NDEL1: variants seen among roughly 807,000 people sequenced by gnomAD.
NDEL1 encodes the protein nudE neurodevelopment protein 1 like 1.
Under a neutral mutation model 45.7 loss-of-function variants are expected in NDEL1, and 9 were observed. That is an observed-to-expected ratio of 0.20 (90% CI 0.12 to 0.34). The LOEUF (loss-of-function observed/expected upper bound fraction) is 0.34. Ranked by LOEUF, NDEL1 falls within the 10% of genes least tolerant of loss-of-function variation. The probability of loss-of-function intolerance (pLI) is 1.00; values close to 1 mark genes in which losing one functional copy is unlikely to be tolerated. For missense variants in NDEL1, 306 were observed against 406.2 expected, an observed-to-expected ratio of 0.75 and a Z score of 2.12; for synonymous variants, 133 against 158.6, an observed-to-expected ratio of 0.84 and a Z score of 1.21.
At chr17:8,466,887 C>T (rs149185085) in intron 8 of NDEL1, 43 bp from the exon 9 acceptor site, 18,311 of 1,555,984 alleles carry the variant, frequency 0.012, 141 homozygotes, top group Non-Finnish European at 0.014. Flanking sequence ...ATGAGTTTTT[C>T]GTTTCCCCTT....
intron 1 of NDEL1, among the ~76,000 whole-genome samples, chr17:8,421,544 T>C (rs1239529960): frequency 6.6e-6 from 1 of 152,158 alleles, no homozygotes; most frequent in Non-Finnish European, 1.5e-5. Context: ...CTCTCCGAGC[T>C]TTCAGGAGGA....
chr17:8,439,183 G>A (rs1262635292), intron 1 of NDEL1, among the ~76,000 whole-genome samples: 19 of 150,240 alleles, frequency 1.3e-4, no homozygotes, highest in Admixed American at 6.6e-4. Context: ...CTCGTGATCC[G>A]CCCGCCTCGG....
chr17:8,468,157 A>G lies in NDEL1; in HGVS notation c.*1134A>G, dbSNP rs1283918668. On this transcript the variant is annotated 3_prime_UTR_variant, in exon 9 of 9. Coordinates refer to ENST00000334527, the MANE Select transcript of NDEL1 (RefSeq NM_030808.5). ...GTGGAAACAATAAATTTCACAGAAA[A>G]AAAGGATTGACGTTGCTTTATTCAG... The G allele has an allele frequency of 6.6e-6, 1 of 152,400 alleles. No individual in the cohort carries two copies. The highest frequency in any genetic ancestry group is 1.5e-5 in the Non-Finnish European group (1 of 68,048). 9.4% of individuals were successfully genotyped at this position (152,400 alleles called of 1,614,324 possible).
rs867483508 is a variant in NDEL1 at position 8,467,081 on chromosome 17, C to T, written c.*58C>T. Reference sequence around the variant, plus strand: ...CCTCCAACAACCCAGGACACCCACGCCTCACCCCTCGGTGCCTGGGCCCAG... The same window carrying T: ...CCTCCAACAACCCAGGACACCCACGTCTCACCCCTCGGTGCCTGGGCCCAG... On this transcript the variant is annotated 3_prime_UTR_variant, in exon 9 of 9. Transcript: ENST00000334527. This position sits in a 1 kb window ranked among gnomAD's most constrained non-coding sequence, Gnocchi z 6.3. 1 of 1,551,134 alleles carries T rather than the reference C, an allele frequency of 6.4e-7. No individual in the cohort carries two copies. The highest frequency in any genetic ancestry group is 2.2e-5 in the East Asian group (1 of 44,542).
intron 1 of NDEL1, among the ~76,000 whole-genome samples, chr17:8,428,175 G>T (rs1159177183): frequency 1.3e-5 from 2 of 152,036 alleles, no homozygotes; most frequent in Admixed American, 6.6e-5. Context: ...ATTGGGTAGG[G>T]GTTGGGGGTG....
intron 1 of NDEL1, among the ~76,000 whole-genome samples, chr17:8,428,349 T>TTTTTTTTTTTTTTTTTTTTCCGAGACA (rs1908897164): frequency 1.5e-5 from 2 of 135,130 alleles, no homozygotes; most frequent in African/African-American, 2.8e-5. Flanking sequence ...TGTGTGTGTG[T>TTTTTTTTTTTTTTTTTTTTCCGAGACA]GTGTGTGTGT....
At chr17:8,424,841 A>G (rs1908791329) in intron 1 of NDEL1, among the ~76,000 whole-genome samples, 1 of 151,978 alleles carries the variant, frequency 6.6e-6, no homozygotes, top group Non-Finnish European at 1.5e-5. Flanking sequence ...TATTCCTTTT[A>G]CATTTTTTGT....
chr17:8,452,724 CT>C, intron 6 of NDEL1, among the ~76,000 whole-genome samples: 1 of 122,550 alleles, frequency 8.2e-6, no homozygotes, highest in South Asian at 2.6e-4. Context: ...TCTTTCTTTT[CT>C]TTTCTTTTTC....
chr17:8,441,184 C>T (rs1336397374), intron 1 of NDEL1, among the ~76,000 whole-genome samples: 1 of 152,096 alleles, frequency 6.6e-6, no homozygotes, highest in Non-Finnish European at 1.5e-5. Context: ...CACTCAGCCC[C>T]AGAAAGGCAG....
intron 7 of NDEL1, among the ~76,000 whole-genome samples, chr17:8,458,328 T>C (rs964489689): frequency 6.6e-6 from 1 of 152,156 alleles, no homozygotes; most frequent in African/African-American, 2.4e-5. Context: ...GATTTTCTGA[T>C]CTTAATCACA....
chr17:8,471,782 A>G (rs570899361), downstream of NDEL1, among the ~76,000 whole-genome samples: 2 of 152,328 alleles, frequency 1.3e-5, no homozygotes, highest in South Asian at 4.1e-4. Context: ...CTTGATTCCC[A>G]AATGGCAGGT....
chr17:8,459,424 C>T (rs775388632), intron 7 of NDEL1, among the ~76,000 whole-genome samples: 10 of 152,030 alleles, frequency 6.6e-5, no homozygotes, highest in Non-Finnish European at 8.8e-5. Context: ...GTGTCATTTG[C>T]GGGTGAATTA....
At chr17:8,446,152 T>C (rs1910066445) in intron 3 of NDEL1, 1 of 216,126 alleles carries the variant, frequency 4.6e-6, no homozygotes, top group Non-Finnish European at 9.0e-6. Context: ...ATTATTTGTT[T>C]TGACAGATAG....
At chr17:8,473,660 A>ACTGCTGC (rs1207688486) in intron 3 of NDEL1, among the ~76,000 whole-genome samples, 3 of 152,116 alleles carry the variant, frequency 2.0e-5, no homozygotes, top group African/African-American at 7.2e-5. Context: ...ACACGTTTCT[A>ACTGCTGC]CTGCTGCCAA....
At chr17:8,452,740 C>CTTTTTTTTTTTTTTTTT in intron 6 of NDEL1, among the ~76,000 whole-genome samples, 1 of 95,626 alleles carries the variant, frequency 1.0e-5, no homozygotes, top group African/African-American at 4.1e-5. Context: ...TTTTTCTTCT[C>CTTTTTTTTTTTTTTTTT]TTTTTTTTTT....
chr17:8,427,724 A>C (rs909891545), intron 1 of NDEL1, among the ~76,000 whole-genome samples: 9 of 152,082 alleles, frequency 5.9e-5, no homozygotes, highest in African/African-American at 2.2e-4. Context: ...AAAACAAAAA[A>C]CAGACAAACA....
At chr17:8,455,937 C>T (rs1003650730) in intron 7 of NDEL1, among the ~76,000 whole-genome samples, 24 of 152,208 alleles carry the variant, frequency 1.6e-4, no homozygotes, top group Non-Finnish European at 1.3e-4. Flanking sequence ...TTACTGGAAA[C>T]AGTTGCAGAA....
At chr17:8,430,457 C>G (rs1173561061) in intron 1 of NDEL1, among the ~76,000 whole-genome samples, 1 of 152,106 alleles carries the variant, frequency 6.6e-6, no homozygotes, top group African/African-American at 2.4e-5. Flanking sequence ...GTGATGTGGC[C>G]GAAGTCCAGC....
At chr17:8,435,061 A>G (rs1332751736), upstream of NDEL1, among the ~76,000 whole-genome samples, 1 of 150,546 alleles carries the variant, frequency 6.6e-6, no homozygotes. Context: ...CAAGAGCGAA[A>G]CTCCGTCTCA....
Sources: gnomAD v4.1 joint callset for allele counts (sites outside exome capture counted in the v4.1 genomes callset) on GRCh38, gnomAD v4.1.1 for gene constraint, Gnocchi (gnomAD v3.1) non-coding constraint, MANE v1.5 for transcripts, NCBI Gene and HGNC (gene_info 2026-07-23, HGNC 2026-07-21) for gene names.